FAAP20: variants seen among roughly 807,000 people sequenced by gnomAD.
The protein encoded by FAAP20 is FA core complex associated protein 20.
Under a neutral mutation model 16.2 loss-of-function variants are expected in FAAP20, and 12 were observed. The observed-to-expected ratio is 0.74, with a 90% CI of 0.48 to 1.20. The LOEUF (loss-of-function observed/expected upper bound fraction) is 1.20, where lower values mean the gene tolerates loss of function less well. Among genes scored for constraint, FAAP20 ranks in the 50% most tolerant of loss-of-function variants. FAAP20 has a pLI of 0.00. For missense variants in FAAP20, 288 were observed against 245.8 expected (o/e 1.17, Z -1.15); for synonymous variants, 141 against 110.7 (o/e 1.27, Z -1.72).
upstream of FAAP20, chr1:2,200,444 AAGG>A (rs1445058316): frequency 1.2e-5 from 2 of 165,392 alleles, no homozygotes; most frequent in Non-Finnish European, 2.5e-5. Context: ...GAGACACAGG[AAGG>A]AGGCTTTGGG....
upstream of FAAP20, among the ~76,000 whole-genome samples, chr1:2,202,135 T>G (rs745917349): frequency 1.3e-5 from 2 of 152,208 alleles, no homozygotes; most frequent in Non-Finnish European, 2.9e-5. Flanking sequence ...CAGGGACTGT[T>G]TGGAGAACCA....
downstream of FAAP20, chr1:2,207,634 G>C (rs959424767): frequency 6.6e-6 from 1 of 152,288 alleles, no homozygotes; most frequent in Non-Finnish European, 1.5e-5. Context: ...GCGGCTGCAG[G>C]AGCAGCCGTG....
intron 1 of FAAP20, among the ~76,000 whole-genome samples, chr1:2,194,422 G>T (rs1367026369): frequency 6.7e-6 from 1 of 148,320 alleles, no homozygotes; most frequent in Non-Finnish European, 1.5e-5. Flanking sequence ...GGAAGGTAGA[G>T]GGTTAGATGG....
At chr1:2,210,589 T>C (rs931404626), downstream of FAAP20, among the ~76,000 whole-genome samples, 2 of 152,152 alleles carry the variant, frequency 1.3e-5, no homozygotes, top group Non-Finnish European at 2.9e-5. Context: ...GGGTGGCTCC[T>C]CGGGGCTCCT....
upstream of FAAP20, chr1:2,212,633 G>A: frequency 5.3e-6 from 1 of 188,322 alleles, no homozygotes; most frequent in Admixed American, 5.7e-5. Flanking sequence ...CATGGAGACC[G>A]GAAGGCTCAG....
chr1:2,203,555 G>T (rs1689128242), upstream of FAAP20: 5 of 986,052 alleles, frequency 5.1e-6, no homozygotes, highest in Admixed American at 3.1e-4. Flanking sequence ...GCTGGCTGGT[G>T]CCCCTCACCT....
At chr1:2,185,156 G>T (rs1235669440), downstream of FAAP20, 1 of 795,542 alleles carries the variant, frequency 1.3e-6, no homozygotes, top group African/African-American at 1.7e-5. Flanking sequence ...AGCGTCAGCG[G>T]GCGCTGCTGG....
chr1:2,200,588 G>C (rs1338051613), upstream of FAAP20: 1 of 972,680 alleles, frequency 1.0e-6, no homozygotes, highest in Non-Finnish European at 1.2e-6. Flanking sequence ...CCAGCTGCCT[G>C]AACTGTGAGA....
In FAAP20 at chr1:2,194,053, C is replaced by T. The variant is rs1453827992; in HGVS notation, c.143G>A (p.Ser48Asn). The T allele has an allele frequency of 1.9e-6, 3 of 1,612,672 alleles. No individual in the cohort carries two copies. The highest frequency in any genetic ancestry group is 2.7e-5 in the African/African-American group (2 of 75,016). ...RLWAELLRTV[S>N]PELILDHEVP... ...CTCGTGATCCAGGATCAGCTCCGGGCTCACCGTGCGCAGTAGCTCGGCCCA... is the reference window on the plus strand; with the variant it reads ...CTCGTGATCCAGGATCAGCTCCGGGTTCACCGTGCGCAGTAGCTCGGCCCA... The change falls in exon 2 of 4, where the codon AGC becomes AAC. Residue 48 changes from serine to asparagine, a missense_variant. By Grantham distance (46) the Ser-to-Asn change is conservative. Transcript: ENST00000378546.
At chr1:2,199,212 G>A, upstream of FAAP20, 1 of 1,165,944 alleles carries the variant, frequency 8.6e-7, no homozygotes, top group Non-Finnish European at 1.1e-6. This position sits in a 1 kb window ranked among gnomAD's most constrained non-coding sequence, Gnocchi z 4.5. Flanking sequence ...GACAGGGCCA[G>A]CCGCCCTCTC....
intron 3 of FAAP20, chr1:2,190,599 G>A (rs753335985): frequency 2.2e-5 from 8 of 357,766 alleles, no homozygotes; most frequent in South Asian, 4.0e-5. Context: ...CATGACTCCC[G>A]GAGAGTGCCG....
chr1:2,196,527 C>T (rs1688831432), upstream of FAAP20, among the ~76,000 whole-genome samples: 1 of 150,394 alleles, frequency 6.6e-6, no homozygotes, highest in African/African-American at 2.5e-5. The surrounding 1 kb of genome is among the most constrained non-coding windows in gnomAD (Gnocchi z 4.5). Context: ...CCACTGCACT[C>T]CAGACCCCAA....
chr1:2,193,428 C>T, intron 3 of FAAP20: 1 of 745,516 alleles, frequency 1.3e-6, no homozygotes, highest in East Asian at 3.0e-5. Flanking sequence ...CCCAGCCTGC[C>T]CTGCCCACAG....
chr1:2,185,650 C>G, downstream of FAAP20: 1 of 636,126 alleles, frequency 1.6e-6, no homozygotes, highest in South Asian at 1.9e-5. Context: ...CTGGGCCAGC[C>G]AGCTCACTGG....
upstream of FAAP20, chr1:2,198,800 C>G: frequency 7.8e-7 from 1 of 1,289,606 alleles, no homozygotes; most frequent in African/African-American, 1.5e-5. Flanking sequence ...TCTGACGCAG[C>G]CAGGAACTGG....
downstream of FAAP20, among the ~76,000 whole-genome samples, chr1:2,211,984 G>A (rs1216262983): frequency 3.5e-5 from 5 of 143,232 alleles, no homozygotes; most frequent in African/African-American, 1.4e-4. Flanking sequence ...CTCACTGCAA[G>A]CTCCACCTCC....
chr1:2,196,942 C>T (rs552778034), upstream of FAAP20, among the ~76,000 whole-genome samples: 24 of 152,360 alleles, frequency 1.6e-4, no homozygotes, highest in South Asian at 5.0e-3. The surrounding 1 kb of genome is among the most constrained non-coding windows in gnomAD (Gnocchi z 4.5). Context: ...GCTCCTTCCT[C>T]TCCCTTCCCC....
Position 2,193,139 on chromosome 1 carries a change from A to G in FAAP20, c.470+500T>C, listed in dbSNP as rs1045855820. On this transcript the variant is annotated intron_variant, in intron 3 of 3. Coordinates refer to ENST00000378546, the MANE Select transcript of FAAP20 (RefSeq NM_182533.4). ...CAAGGGCCCAGAGGTCGCCAGACAC[A>G]AGGCCAGGCACTGGGCAGTTTGGGT... 5.9e-5 allele frequency: 33 copies of G among 555,886 alleles called. No homozygotes were observed. In the African/African-American group the frequency reaches 6.3e-4, roughly 11 times the overall value. The allele number at this position is 555,886 out of a possible 1,614,324, so 34.4% of individuals were successfully genotyped here. A position where few individuals can be genotyped will look rare whatever the true frequency, so the allele number is the denominator to read the frequency against.
At chr1:2,187,933 A>T (rs1020440440), downstream of FAAP20, among the ~76,000 whole-genome samples, 1 of 151,114 alleles carries the variant, frequency 6.6e-6, no homozygotes, top group Non-Finnish European at 1.5e-5. Flanking sequence ...TAGCCCCTGC[A>T]CTCTCTTGAT....
Sources: gnomAD v4.1 joint callset for allele counts (sites outside exome capture counted in the v4.1 genomes callset) on GRCh38, gnomAD v4.1.1 for gene constraint, Gnocchi (gnomAD v3.1) non-coding constraint, MANE v1.5 for transcripts, NCBI Gene and HGNC (gene_info 2026-07-23, HGNC 2026-07-21) for gene names.